Variants in CEMIP observed in about 807,000 individuals in gnomAD.
CEMIP encodes the protein cell migration-inducing and hyaluronan-binding protein.
In CEMIP, 105 loss-of-function variants were observed where a neutral mutation model predicts 156.9. The observed-to-expected ratio is 0.67, with a 90% CI of 0.57 to 0.79. CEMIP has a LOEUF of 0.79. Among genes scored for constraint, CEMIP ranks in the 30% least tolerant of loss-of-function variants. CEMIP has a pLI of 0.00. For missense variants in CEMIP, 1,457 were observed against 1,769.4 expected (o/e 0.82, Z 3.17); for synonymous variants, 676 against 668.4 (o/e 1.01, Z -0.17).
In CEMIP at chr15:80,888,763, T is replaced by A. The variant is rs1425397226; in HGVS notation, c.931T>A (p.Phe311Ile). 2 of 1,614,046 alleles carry A rather than the reference T, an allele frequency of 1.2e-6. No individual in the cohort carries two copies. The highest frequency in any genetic ancestry group is 1.7e-6 in the Non-Finnish European group (2 of 1,180,016). Residue 311 changes from phenylalanine (F) to isoleucine (I), a missense_variant, in exon 9 of 30, where the codon TTC becomes ATC. By Grantham distance (21) the Phe-to-Ile change is conservative. Coordinates refer to ENST00000394685, the MANE Select transcript of CEMIP (RefSeq NM_001293298.2). Reference sequence around the variant, plus strand: ...GTTCCAGACAGAGCATGGCGAATATTTCAATGTTTCTTTGTCCAGTGAGTG... The same window carrying A: ...GTTCCAGACAGAGCATGGCGAATATATCAATGTTTCTTTGTCCAGTGAGTG... ...KLFQTEHGEY[F>I]NVSLSSEWVQ...
chr15:80,851,301 C>T (rs1897709646), intron 1 of CEMIP, among the ~76,000 whole-genome samples: 1 of 152,182 alleles, frequency 6.6e-6, no homozygotes, highest in African/African-American at 2.4e-5. Flanking sequence ...AATCTAATCC[C>T]TCTCTAGGTG....
chr15:80,915,880 T>C (rs1313717337), intron 14 of CEMIP, among the ~76,000 whole-genome samples: 1 of 152,244 alleles, frequency 6.6e-6, no homozygotes, highest in Non-Finnish European at 1.5e-5. Context: ...CACCATACTC[T>C]ATGGCAATCT....
At chr15:80,837,379 C>G (rs888483264) in intron 1 of CEMIP, among the ~76,000 whole-genome samples, 1 of 152,118 alleles carries the variant, frequency 6.6e-6, no homozygotes, top group Non-Finnish European at 1.5e-5. Context: ...TTCCCAGGCT[C>G]CTTTGGAAGA....
chr15:80,865,935 G>A (rs1289355783), intron 1 of CEMIP, among the ~76,000 whole-genome samples: 1 of 152,168 alleles, frequency 6.6e-6, no homozygotes, highest in East Asian at 1.9e-4. Context: ...ATCCTTAAGG[G>A]TGGAGATCTT....
intron 1 of CEMIP, among the ~76,000 whole-genome samples, chr15:80,846,596 G>A (rs764983260): frequency 2.6e-5 from 4 of 152,216 alleles, no homozygotes; most frequent in Non-Finnish European, 4.4e-5. Context: ...CTAGTGAGGA[G>A]TGAACTTGAT....
chr15:80,909,801 C>T (rs1899974692), intron 14 of CEMIP: 1 of 358,454 alleles, frequency 2.8e-6, no homozygotes, highest in Non-Finnish European at 5.5e-6. Context: ...GTATCAGAGG[C>T]TTGTCTTGAT....
At chr15:80,854,885 C>G (rs562062343) in intron 1 of CEMIP, among the ~76,000 whole-genome samples, 4 of 152,336 alleles carry the variant, frequency 2.6e-5, no homozygotes, top group Non-Finnish European at 5.9e-5. Flanking sequence ...TGGAGAGCCA[C>G]TAAGTGGCAC....
intron 1 of CEMIP, among the ~76,000 whole-genome samples, chr15:80,823,217 G>T (rs987086535): frequency 6.6e-6 from 1 of 152,102 alleles, no homozygotes; most frequent in African/African-American, 2.4e-5. Context: ...GGGAGTCTCG[G>T]CCTGTGTGGT....
chr15:80,917,082 G>A (rs905075042), intron 14 of CEMIP, among the ~76,000 whole-genome samples: 1 of 152,184 alleles, frequency 6.6e-6, no homozygotes, highest in African/African-American at 2.4e-5. Flanking sequence ...AAGACAACAT[G>A]TAAAAACATT....
intron 1 of CEMIP, among the ~76,000 whole-genome samples, chr15:80,869,363 C>T (rs1876435): frequency 0.43 from 65,502 of 152,008 alleles, 14,670 homozygotes; most frequent in East Asian, 0.75. Flanking sequence ...GACATATAAG[C>T]ATAAACAAAA....
chr15:80,948,053 T>G (rs1306595602), intron 29 of CEMIP: 2 of 153,352 alleles, frequency 1.3e-5, no homozygotes, highest in African/African-American at 4.8e-5. Context: ...GAAGTATCCT[T>G]TCCAGCCCAG....
In CEMIP at chr15:80,932,084, G is replaced by T; in HGVS notation, c.2793+45G>T. On this transcript the variant is annotated intron_variant, in intron 22 of 29. Transcript: ENST00000394685. The surrounding 1 kb of genome is among the most constrained non-coding windows in gnomAD (Gnocchi z 4.5). ...AGACTCCCGGCAAACCCAGACTTTG[G>T]ATGGTGATTCACAAGTCCCCTGGGT... 6.2e-7 allele frequency: 1 copy of T among 1,603,010 alleles called. No homozygotes were observed. Among genetic ancestry groups the T allele is most frequent in the South Asian group, 1.1e-5 (1 of 90,960 alleles).
rs1053117445 is a variant in CEMIP at position 80,815,274 on chromosome 15, A to G, written c.-176+35660A>G. On this transcript the variant is annotated intron_variant, in intron 1 of 29. Transcript: ENST00000394685. ...AGGTTTCTTCATCTGTAAAATGGGTATCCTGTGGCCTGCCTGGCCCAATTC... is the reference window on the plus strand; with the variant it reads ...AGGTTTCTTCATCTGTAAAATGGGTGTCCTGTGGCCTGCCTGGCCCAATTC... 3.9e-5 allele frequency among the ~76,000 whole-genome samples: 6 copies of G among 152,260 alleles called. No individual in the cohort carries two copies. In the South Asian group the frequency reaches 1.2e-3, roughly 31 times the overall value.
rs117831962 is a variant in CEMIP at position 80,856,471 on chromosome 15, A to G, written c.-175-17067A>G. Reference sequence around the variant, plus strand: ...GGTAGCATCTAGGTTGCACTGTATTAGTGTTCACTGTGAGATTCTTTCAAC... The same window carrying G: ...GGTAGCATCTAGGTTGCACTGTATTGGTGTTCACTGTGAGATTCTTTCAAC... On this transcript the variant is annotated intron_variant, in intron 1 of 29. Coordinates refer to ENST00000394685, the MANE Select transcript of CEMIP (RefSeq NM_001293298.2). 6.6e-4 allele frequency among the ~76,000 whole-genome samples: 100 copies of G among 152,332 alleles called. No individual in the cohort carries two copies. In the East Asian group the frequency reaches 0.017, roughly 26 times the overall value.
chr15:80,861,241 C>T (rs1897979843), intron 1 of CEMIP, among the ~76,000 whole-genome samples: 1 of 152,106 alleles, frequency 6.6e-6, no homozygotes, highest in African/African-American at 2.4e-5. Context: ...CACTCCTATT[C>T]CCCTCCCATT....
In CEMIP at chr15:80,933,409, C is replaced by T. The variant is rs938558509; in HGVS notation, c.2958C>T (p.Cys986=). 1.2e-6 allele frequency: 2 copies of T among 1,614,058 alleles called. No individual in the cohort carries two copies. The highest frequency in any genetic ancestry group is 2.7e-5 in the African/African-American group (2 of 74,918). The change falls in exon 23 of 30, where the codon TGC becomes TGT. Residue 986 remains cysteine, a synonymous_variant. Transcript: ENST00000394685. ...ACTGGCTGGTCCGGCACCCAGACTG[C>T]ATCAATGTTCCCGACTGGAGAGGGG... The part of the protein sequence containing the change: ...NDNWLVRHPD[C]INVPDWRGAI...
At chr15:80,803,377 T>C (rs1374075587) in intron 1 of CEMIP, among the ~76,000 whole-genome samples, 1 of 152,128 alleles carries the variant, frequency 6.6e-6, no homozygotes, top group Admixed American at 6.6e-5. Flanking sequence ...TCCTGATAGA[T>C]GTGTGGAAAG....
intron 1 of CEMIP, among the ~76,000 whole-genome samples, chr15:80,828,495 T>C (rs1008024469): frequency 2.0e-5 from 3 of 152,218 alleles, no homozygotes; most frequent in African/African-American, 7.2e-5. Context: ...ATTTGAATCA[T>C]TTGATCATAG....
intron 25 of CEMIP, among the ~76,000 whole-genome samples, chr15:80,940,210 C>T (rs1429217341): frequency 6.6e-6 from 1 of 152,218 alleles, no homozygotes; most frequent in Non-Finnish European, 1.5e-5. Context: ...TCCTTTCATG[C>T]CTTCCAGGGC....
Sources: gnomAD v4.1 joint callset for allele counts (sites outside exome capture counted in the v4.1 genomes callset) on GRCh38, gnomAD v4.1.1 for gene constraint, Gnocchi (gnomAD v3.1) non-coding constraint, MANE v1.5 for transcripts, NCBI Gene and HGNC (gene_info 2026-07-23, HGNC 2026-07-21) for gene names.